Variants in CYP4F3 observed in about 807,000 individuals in gnomAD.
CYP4F3 encodes the protein cytochrome P450 4F3.
Under a neutral mutation model 54.8 loss-of-function variants are expected in CYP4F3, and 50 were observed. The ratio of observed to expected loss-of-function variants is 0.91; its 90% confidence interval spans 0.73 to 1.16. CYP4F3 has a LOEUF of 1.16. Ranked by LOEUF, CYP4F3 falls within the 50% of genes most tolerant of loss-of-function variation. The pLI, the probability that CYP4F3 is intolerant of heterozygous loss-of-function variation, is 0.00. For synonymous variants in CYP4F3, 244 were observed against 262.6 expected (o/e 0.93, Z 0.69); for missense variants, 715 against 676.2 (o/e 1.06, Z -0.64).
chr19:15,643,997 C>T (rs267605322), intron 2 of CYP4F3: 3 of 1,605,708 alleles, frequency 1.9e-6, no homozygotes, highest in African/African-American at 2.7e-5. Flanking sequence ...CCCCATCTTC[C>T]CCGTCATCCG....
chr19:15,646,024 G>C (rs1005958777), intron 3 of CYP4F3, among the ~76,000 whole-genome samples, 161 bp downstream of exon 3: 2 of 152,166 alleles, frequency 1.3e-5, no homozygotes, highest in Non-Finnish European at 2.9e-5. Flanking sequence ...ACTTCCATCT[G>C]TCTGACCTCT....
At chr19:15,658,039 C>T (rs1211994626) in intron 9 of CYP4F3, 14 of 883,712 alleles carry the variant, frequency 1.6e-5, no homozygotes, top group African/African-American at 1.8e-5. Flanking sequence ...GTGAAGTTTT[C>T]TCTTATTCTC....
At chr19:15,644,958 G>A (rs1972580339) in intron 2 of CYP4F3, among the ~76,000 whole-genome samples, 1 of 152,220 alleles carries the variant, frequency 6.6e-6, no homozygotes, top group Non-Finnish European at 1.5e-5. Context: ...AGCAAAGAAA[G>A]AGAATCTATT....
intron 11 of CYP4F3, 34 bp from the exon 12 acceptor site, chr19:15,658,693 C>T (rs1973101618): frequency 8.1e-6 from 13 of 1,612,722 alleles, no homozygotes; most frequent in Non-Finnish European, 1.0e-5. Context: ...ACTGGGAGAC[C>T]CCACCCGGCA....
chr19:15,647,605 A>G (rs1972669971), intron 5 of CYP4F3, among the ~76,000 whole-genome samples: 2 of 152,254 alleles, frequency 1.3e-5, no homozygotes, highest in South Asian at 4.1e-4. Flanking sequence ...CAATTGCATA[A>G]TAGCTGTTGC....
intron 5 of CYP4F3, 81 bp from the exon 6 acceptor site, chr19:15,649,079 C>A: frequency 1.2e-5 from 19 of 1,585,544 alleles, no homozygotes; most frequent in Non-Finnish European, 1.5e-5. Context: ...TATTCTGGGG[C>A]GTGCATATTG....
intron 9 of CYP4F3, among the ~76,000 whole-genome samples, chr19:15,654,919 C>G (rs1252791673): frequency 1.3e-5 from 2 of 152,078 alleles, no homozygotes; most frequent in African/African-American, 2.4e-5. Context: ...TATGGCAGTT[C>G]TAGTTTTAGT....
At position 15,647,198 on chromosome 19, in the gene CYP4F3, G is replaced by T. The variant is rs752888577; in HGVS notation, c.399G>T (p.Gly133=). 6.2e-7 allele frequency: 1 copy of T among 1,614,242 alleles called. No homozygotes were observed. Among genetic ancestry groups the T allele is most frequent in the Non-Finnish European group, 8.5e-7 (1 of 1,180,040 alleles). The change falls in exon 5 of 13, where the codon GGG becomes GGT. Residue 133 remains glycine, a splice_region_variant and synonymous_variant. Transcript: ENST00000221307. ...VFYSFLKPWL[G]DGLLLSAGEK... ...CATGGCCCTTGGCTGCCCTGCCAGG[G>T]GATGGGCTCCTGCTGAGTGCTGGTG...
At chr19:15,657,011 A>G (rs1172199287) in intron 9 of CYP4F3, among the ~76,000 whole-genome samples, 3 of 152,044 alleles carry the variant, frequency 2.0e-5, no homozygotes. Context: ...AATATTTCCA[A>G]TTTGCCTTCC....
Position 15,641,497 on chromosome 19 carries a change from T to A in CYP4F3, c.82T>A (p.Ser28Thr). 5.6e-6 allele frequency: 9 copies of A among 1,614,186 alleles called. No homozygotes were observed. Among genetic ancestry groups the A allele is most frequent in the Non-Finnish European group, 7.6e-6 (9 of 1,180,022 alleles). ...GCTGCTCCTGCTGCTGGTTGGGGCCTCCTGGCTCCTGGCCCGCATCCTGGC... is the reference window on the plus strand; with the variant it reads ...GCTGCTCCTGCTGCTGGTTGGGGCCACCTGGCTCCTGGCCCGCATCCTGGC... ...PWLLLLLVGA[S>T]WLLARILAWT... The change falls in exon 2 of 13, where the codon TCC becomes ACC. Residue 28 changes from serine to threonine, a missense_variant. By Grantham distance (58) the Ser-to-Thr change is moderately conservative. Transcript: ENST00000221307.
chr19:15,657,058 A>G (rs1387234020), intron 9 of CYP4F3, among the ~76,000 whole-genome samples: 2 of 152,180 alleles, frequency 1.3e-5, no homozygotes, highest in African/African-American at 4.8e-5. Flanking sequence ...AGCCTGCAGT[A>G]TGTGGTGAGA....
chr19:15,659,068 C>G, intron 12 of CYP4F3, 152 bp from the exon 13 acceptor site: 1 of 1,256,458 alleles, frequency 8.0e-7, no homozygotes, highest in Non-Finnish European at 1.1e-6. Context: ...GCAGGATATG[C>G]AAGCCCACAT....
Position 15,650,077 on chromosome 19 carries a change from T to C in CYP4F3, c.812T>C (p.Ile271Thr), listed in dbSNP as rs28371479. The change falls in exon 7 of 13, where the codon ATC (isoleucine) becomes ACC (threonine). Residue 271 changes from isoleucine to threonine, a missense_variant. Physicochemically the swap from Ile to Thr is moderately conservative, Grantham distance 89. Coordinates refer to ENST00000221307, the MANE Select transcript of CYP4F3 (RefSeq NM_000896.3). The part of the protein sequence containing the change: ...RLVHDFTDAV[I>T]QERRRTLPSQ... ...GTGCACGACTTCACAGATGCCGTCA[T>C]CCAGGAGCGGCGCCGCACCCTCCCT... is the stretch of plus-strand genomic sequence containing the variant. 3,500 of 1,614,176 alleles carry C rather than the reference T, an allele frequency of 2.2e-3. 8 individuals carry two copies. Among genetic ancestry groups the C allele is most frequent in the South Asian group, 2.6e-3 (236 of 91,086 alleles).
rs1450845433 is a variant in CYP4F3, at chr19:15,651,549, G to T, written c.919-1020G>T. Among the ~76,000 whole-genome samples, 2 of 108,980 alleles carry T rather than the reference G, an allele frequency of 1.8e-5. 1 individual carries two copies. The highest frequency in any genetic ancestry group is 4.4e-5 in the Non-Finnish European group (2 of 45,830). The allele number at this position is 108,980 out of a possible 152,430, so 71.5% of individuals were successfully genotyped here. On this transcript the variant is annotated intron_variant, in intron 7 of 12. Coordinates refer to ENST00000221307, the MANE Select transcript of CYP4F3 (RefSeq NM_000896.3). Reference sequence around the variant, plus strand: ...TTTTTGTATTTTTAGTACAGACGGAGCTTCACTATTTTTAGTCTCAAACTC... The same window carrying T: ...TTTTTGTATTTTTAGTACAGACGGATCTTCACTATTTTTAGTCTCAAACTC...
chr19:15,650,776 GTTCT>G lies in CYP4F3; in HGVS notation c.918+614_918+617del, dbSNP rs1175482967. Reference sequence around the variant, plus strand: ...ATCTTTCTTTCTTTCTTTTTCTTTCGTTCTTTCTTTCTTTCTTTCTTTCTCTCTC... The same window carrying G: ...ATCTTTCTTTCTTTCTTTTTCTTTCGTTCTTTCTTTCTTTCTTTCTCTCTC... On this transcript the variant is annotated intron_variant, in intron 7 of 12. Transcript: ENST00000221307. 7.4e-4 allele frequency among the ~76,000 whole-genome samples: 19 copies of G among 25,742 alleles called. 5 individuals are homozygous for G. Among genetic ancestry groups the G allele is most frequent in the South Asian group, 2.4e-3 (2 of 826 alleles). The allele number at this position is 25,742 out of a possible 152,430, so 16.9% of individuals were successfully genotyped here. A position where few individuals can be genotyped will look rare whatever the true frequency, so the allele number is the denominator to read the frequency against.
At position 15,647,134 on chromosome 19, in the gene CYP4F3, G is replaced by GA. The variant is rs1972651196; in HGVS notation, c.397+31dup. Reference sequence around the variant, plus strand: ...AGTATCTGTAGGTGAACAGGGTTGGGAACAACCTGGGGGGCCAGGGGAGGG... The same window carrying GA: ...AGTATCTGTAGGTGAACAGGGTTGGGAAACAACCTGGGGGGCCAGGGGAGGG... On this transcript the variant is annotated intron_variant, in intron 4 of 12. Transcript: ENST00000221307. 3 of 1,613,972 alleles carry GA rather than the reference G, an allele frequency of 1.9e-6. No individual in the cohort carries two copies. The African/African-American group carries it at 4.0e-5, about 22-fold the overall frequency.
intron 2 of CYP4F3, among the ~76,000 whole-genome samples, chr19:15,642,082 TC>T (rs1481842317): frequency 6.6e-6 from 1 of 152,102 alleles, no homozygotes; most frequent in East Asian, 1.9e-4. Flanking sequence ...CTTATCTTGT[TC>T]CTCCCCAGTA....
intron 2 of CYP4F3, among the ~76,000 whole-genome samples, chr19:15,644,424 G>A (rs891447134): frequency 1.3e-5 from 2 of 152,232 alleles, no homozygotes; most frequent in African/African-American, 4.8e-5. Context: ...GTTCTCTGCT[G>A]GGGCAGGCTG....
intron 2 of CYP4F3, among the ~76,000 whole-genome samples, chr19:15,645,355 T>A (rs747746296): frequency 5.3e-5 from 8 of 152,210 alleles, no homozygotes; most frequent in Non-Finnish European, 1.2e-4. Context: ...GGTTAAGGAA[T>A]CAGGCCATGG....
Sources: allele counts gnomAD v4.1 joint callset (sites outside exome capture counted in the v4.1 genomes callset), GRCh38; gene constraint gnomAD v4.1.1; transcripts MANE v1.5; gene names NCBI Gene and HGNC (gene_info 2026-07-23, HGNC 2026-07-21).